Variants in PRR16 observed in about 807,000 individuals in gnomAD.
The protein encoded by PRR16 is protein Largen.
Under a neutral mutation model 18.2 loss-of-function variants are expected in PRR16, and 6 were observed. The observed-to-expected ratio is 0.33, with a 90% CI of 0.18 to 0.65. The LOEUF is 0.65. Among genes scored for constraint, PRR16 ranks in the 30% least tolerant of loss-of-function variants. The pLI is 0.74. For synonymous variants in PRR16, 151 were observed against 147.8 expected (o/e 1.02, Z -0.16); for missense variants, 412 against 376.6 (o/e 1.09, Z -0.78).
At chr5:120,488,043 G>T (rs931569758) in intron 1 of PRR16, among the ~76,000 whole-genome samples, 2 of 152,114 alleles carry the variant, frequency 1.3e-5, no homozygotes. Flanking sequence ...TACTGTATTT[G>T]GTTTGCCAGT....
chr5:120,524,773 G>A (rs776637691), intron 1 of PRR16, among the ~76,000 whole-genome samples: 1 of 152,012 alleles, frequency 6.6e-6, no homozygotes, highest in Non-Finnish European at 1.5e-5. Flanking sequence ...TTGTATGCCT[G>A]TGTCAAAATA....
intron 1 of PRR16, among the ~76,000 whole-genome samples, chr5:120,614,149 G>A (rs961981359): frequency 9.6e-4 from 146 of 152,304 alleles, no homozygotes; most frequent in African/African-American, 3.4e-3. Context: ...GACCCTGCAC[G>A]TGAGACATGT....
intron 1 of PRR16, among the ~76,000 whole-genome samples, chr5:120,499,820 G>C (rs1163929682): frequency 1.3e-5 from 2 of 150,748 alleles, no homozygotes; most frequent in Non-Finnish European, 3.0e-5. Flanking sequence ...TGTGATGAGT[G>C]ATTCAAAATA....
intron 1 of PRR16, among the ~76,000 whole-genome samples, chr5:120,571,698 A>G (rs1478227540): frequency 2.0e-5 from 3 of 152,280 alleles, no homozygotes; most frequent in Admixed American, 6.5e-5. Flanking sequence ...TGAGCTGGTT[A>G]TCTATCACTT....
intron 1 of PRR16, among the ~76,000 whole-genome samples, chr5:120,603,201 C>G (rs1372178767): frequency 1.3e-5 from 2 of 151,840 alleles, no homozygotes; most frequent in Non-Finnish European, 2.9e-5. Context: ...CAGGACATTT[C>G]CTGGTTGGTA....
intron 1 of PRR16, among the ~76,000 whole-genome samples, chr5:120,612,811 G>A (rs531454211): frequency 6.6e-6 from 1 of 151,860 alleles, no homozygotes; most frequent in Non-Finnish European, 1.5e-5. Context: ...TCTTTTTATT[G>A]CATTATTTAG....
chr5:120,617,267 C>A (rs1754542943), intron 1 of PRR16: 2 of 653,360 alleles, frequency 3.1e-6, no homozygotes, highest in Non-Finnish European at 3.8e-6. Context: ...ACATGCAAAC[C>A]AATATATCAT....
In PRR16 at chr5:120,651,830, A is replaced by G. The variant is rs1181776685; in HGVS notation, c.160-34124A>G. Among the ~76,000 whole-genome samples, 15 of 152,160 alleles carry G rather than the reference A, an allele frequency of 9.9e-5. No homozygotes were observed. In the East Asian group the frequency reaches 2.9e-3, roughly 29 times the overall value. ...GATGTGGGCTCTTTTTTGGTTCCATATGAACTTTAAAGTAGTTTTTTCCAA... is the reference window on the plus strand; with the variant it reads ...GATGTGGGCTCTTTTTTGGTTCCATGTGAACTTTAAAGTAGTTTTTTCCAA... On this transcript the variant is annotated intron_variant, in intron 1 of 1. Coordinates refer to ENST00000407149, the MANE Select transcript of PRR16 (RefSeq NM_001300783.2).
intron 1 of PRR16, among the ~76,000 whole-genome samples, chr5:120,632,011 G>C (rs1445734553): frequency 6.6e-6 from 1 of 152,162 alleles, no homozygotes; most frequent in African/African-American, 2.4e-5. Context: ...CACTGGAGCA[G>C]GTGCTGGTAT....
At chr5:120,763,479 G>A in the PRR16 span, among the ~76,000 whole-genome samples, 3 of 152,092 alleles carry the variant, frequency 2.0e-5, no homozygotes, top group African/African-American at 2.4e-5. Flanking sequence ...ATTTTCCAAG[G>A]TAAGGTAATG....
At chr5:120,577,739 G>T (rs1294960860) in intron 1 of PRR16, among the ~76,000 whole-genome samples, 1 of 152,172 alleles carries the variant, frequency 6.6e-6, no homozygotes, top group East Asian at 1.9e-4. Context: ...CATAGTAACA[G>T]ATCTCATTTA....
At chr5:120,713,712 C>T in the PRR16 span, among the ~76,000 whole-genome samples, 278 of 152,130 alleles carry the variant, frequency 1.8e-3, 3 homozygotes, top group African/African-American at 5.3e-3. Context: ...TCCTCCTTTT[C>T]TGTTTGTTTC....
intron 1 of PRR16, among the ~76,000 whole-genome samples, chr5:120,533,515 A>G (rs976435912): frequency 6.6e-5 from 10 of 152,168 alleles, no homozygotes; most frequent in African/African-American, 1.2e-4. Flanking sequence ...TGCTATTTTC[A>G]GTAGAATAAT....
At chr5:120,705,663 A>G in the PRR16 span, among the ~76,000 whole-genome samples, 1 of 152,120 alleles carries the variant, frequency 6.6e-6, no homozygotes, top group Non-Finnish European at 1.5e-5. Flanking sequence ...GACATTCAGG[A>G]TATAAGTTAA....
At chr5:120,610,306 T>A (rs936138406) in intron 1 of PRR16, among the ~76,000 whole-genome samples, 1 of 151,044 alleles carries the variant, frequency 6.6e-6, no homozygotes, top group Admixed American at 6.6e-5. Context: ...TCAGGCAATA[T>A]TAATTTAAAT....
intron 1 of PRR16, among the ~76,000 whole-genome samples, chr5:120,630,738 A>G (rs1257144810): frequency 6.6e-6 from 1 of 152,138 alleles, no homozygotes; most frequent in Non-Finnish European, 1.5e-5. Context: ...CGTGGTCTAC[A>G]TCAGTGTCAA....
rs192289092 is a variant in PRR16 at position 120,491,162 on chromosome 5, A to G, written c.159+26517A>G. 8.5e-3 allele frequency among the ~76,000 whole-genome samples: 1,295 copies of G among 152,224 alleles called. 27 individuals carry two copies. The highest frequency in any genetic ancestry group is 0.03 in the African/African-American group (1,239 of 41,544). On this transcript the variant is annotated intron_variant, in intron 1 of 1. Transcript: ENST00000407149. ...TCTCCAGCTATGTTCTGGGAGAACC[A>G]CTACTCTCTTCAAATCTGTCAGACA... is the stretch of plus-strand genomic sequence containing the variant.
At chr5:120,649,120 G>T (rs185544455) in intron 1 of PRR16, among the ~76,000 whole-genome samples, 3 of 152,072 alleles carry the variant, frequency 2.0e-5, no homozygotes, top group Admixed American at 1.3e-4. Flanking sequence ...ACGCTGGCTC[G>T]AGCACACCAC....
chr5:120,473,569 T>A (rs765910670), intron 1 of PRR16, among the ~76,000 whole-genome samples: 4 of 152,324 alleles, frequency 2.6e-5, no homozygotes, highest in Non-Finnish European at 4.4e-5. Flanking sequence ...ATGGTTCCTA[T>A]GCATAAAGCA....
Sources: gnomAD v4.1 joint callset for allele counts (sites outside exome capture counted in the v4.1 genomes callset) on GRCh38, gnomAD v4.1.1 for gene constraint, MANE v1.5 for transcripts, NCBI Gene and HGNC (gene_info 2026-07-23, HGNC 2026-07-21) for gene names.